The following AK4 variants were observed in gnomAD, a reference collection of about 807,000 sequenced individuals.
The protein encoded by AK4 is adenylate kinase 4, mitochondrial.
In AK4, 13 loss-of-function variants were observed where a neutral mutation model predicts 24.6. That is an observed-to-expected ratio of 0.53 (90% confidence interval 0.34 to 0.84). The LOEUF (loss-of-function observed/expected upper bound fraction) is 0.84. Among genes scored for constraint, AK4 ranks in the 40% least tolerant of loss-of-function variants. The pLI is 0.01. For synonymous variants in AK4, 88 were observed against 107.0 expected (o/e 0.82, Z 1.10); for missense variants, 192 against 288.2 (o/e 0.67, Z 2.42).
At chr1:65,147,817 C>G (rs1421173364), upstream of AK4, 1 of 152,616 alleles carries the variant, frequency 6.6e-6, no homozygotes, top group Non-Finnish European at 1.5e-5. Context: ...GCTGAGACTC[C>G]GGGGGATGTG....
chr1:65,172,168 G>T (rs1048393904), intron 1 of AK4, among the ~76,000 whole-genome samples: 1 of 144,494 alleles, frequency 6.9e-6, no homozygotes, highest in African/African-American at 2.5e-5. Context: ...TAAGCTTTAC[G>T]TTTTTTAAAA....
intron 1 of AK4, among the ~76,000 whole-genome samples, chr1:65,170,381 C>G (rs893734129): frequency 2.0e-5 from 3 of 149,320 alleles, no homozygotes; most frequent in Non-Finnish European, 3.0e-5. Flanking sequence ...CACACACACA[C>G]ACACACAAAA....
chr1:65,171,138 T>C (rs1650507043), intron 1 of AK4, among the ~76,000 whole-genome samples: 1 of 148,794 alleles, frequency 6.7e-6, no homozygotes, highest in Non-Finnish European at 1.5e-5. Context: ...TTTTTTTTTT[T>C]TTTGTGCAGA....
intron 1 of AK4, among the ~76,000 whole-genome samples, chr1:65,174,859 G>T (rs1415805697): frequency 6.6e-6 from 1 of 152,202 alleles, no homozygotes; most frequent in East Asian, 1.9e-4. Flanking sequence ...TACGGTTGTT[G>T]TAAGAATTAA....
intron 2 of AK4, among the ~76,000 whole-genome samples, chr1:65,211,107 T>G (rs1651958380): frequency 2.0e-5 from 3 of 152,186 alleles, no homozygotes; most frequent in Admixed American, 6.5e-5. Flanking sequence ...CATGCTGTAC[T>G]CTGCAGTTAT....
At chr1:65,216,136 C>T (rs544248600) in intron 2 of AK4, among the ~76,000 whole-genome samples, 5 of 149,962 alleles carry the variant, frequency 3.3e-5, no homozygotes, top group Admixed American at 2.6e-4. Flanking sequence ...AATGTGATTG[C>T]AGTGCTTTTT....
At chr1:65,186,078 C>T (rs1651089489) in intron 1 of AK4, among the ~76,000 whole-genome samples, 1 of 151,966 alleles carries the variant, frequency 6.6e-6, no homozygotes, top group South Asian at 2.1e-4. Flanking sequence ...AGAAAATTCT[C>T]CTATCTTCAG....
intron 3 of AK4, among the ~76,000 whole-genome samples, chr1:65,222,444 A>G (rs914087095): frequency 3.3e-5 from 5 of 152,138 alleles, no homozygotes; most frequent in Admixed American, 2.6e-4. Flanking sequence ...TGCCCTTACC[A>G]TCTGCCTAAG....
intron 1 of AK4, among the ~76,000 whole-genome samples, chr1:65,166,394 C>T (rs901559008): frequency 2.7e-5 from 4 of 150,836 alleles, no homozygotes; most frequent in African/African-American, 9.7e-5. Context: ...GTTTGTAAAC[C>T]CCCTATTAGT....
At chr1:65,200,424 G>A (rs1335799756) in intron 2 of AK4, among the ~76,000 whole-genome samples, 2 of 152,036 alleles carry the variant, frequency 1.3e-5, no homozygotes, top group Non-Finnish European at 2.9e-5. Context: ...CTAGGTAACA[G>A]TTTTCTAAAC....
intron 4 of AK4, among the ~76,000 whole-genome samples, chr1:65,225,669 G>A (rs1367013969): frequency 1.3e-5 from 2 of 152,140 alleles, no homozygotes; most frequent in African/African-American, 4.8e-5. Flanking sequence ...CTTAAGATCA[G>A]AGTTTTATGA....
At chr1:65,161,560 C>T (rs762596469) in intron 1 of AK4, among the ~76,000 whole-genome samples, 63 of 152,298 alleles carry the variant, frequency 4.1e-4, no homozygotes, top group Non-Finnish European at 4.4e-4. Context: ...GAAGCCTTTC[C>T]ACACCTGTTG....
chr1:65,148,438 C>T lies in AK4; in HGVS notation c.31C>T (p.Leu11Phe), dbSNP rs1272537882. Residue 11 changes from leucine (L) to phenylalanine (F), a missense_variant, in exon 1 of 5, where the codon CTC becomes TTC. Transcript: ENST00000327299. ...TTCCAAACTCCTGCGCGCGGTCATC[C>T]TCGGGCCGCCCGGCTCGGGCAAGGG... MASKLLRAVI[L>F]GPPGSGKGTV... 6.4e-7 allele frequency: 1 copy of T among 1,563,190 alleles called. No homozygotes were observed. Among genetic ancestry groups the T allele is most frequent in the South Asian group, 1.2e-5 (1 of 85,740 alleles).
intron 1 of AK4, among the ~76,000 whole-genome samples, chr1:65,169,249 C>T (rs1241189291): frequency 6.6e-6 from 1 of 151,534 alleles, no homozygotes; most frequent in Non-Finnish European, 1.5e-5. Flanking sequence ...GGATATCATT[C>T]AGCGGTGAAC....
rs150507231 is a variant in AK4 at position 65,164,176 on chromosome 1, A to C, written c.145+15624A>C. Among the ~76,000 whole-genome samples the C allele has an allele frequency of 8.7e-4, 132 of 152,248 alleles. 1 individual carries two copies. Among genetic ancestry groups the C allele is most frequent in the Admixed American group, 1.3e-3 (20 of 15,274 alleles). The stretch of plus-strand genomic sequence containing the variant: ...GGGGTCTTTTCGGGAAAGGGCTGTT[A>C]ATCAATTTTGTTTCAGAGTCAAACC... On this transcript the variant is annotated intron_variant, in intron 1 of 4. Coordinates refer to ENST00000327299, the MANE Select transcript of AK4 (RefSeq NM_013410.4).
At position 65,224,868 on chromosome 1, in the gene AK4, C is replaced by T; in HGVS notation, c.555C>T (p.Tyr185=). Residue 185 remains tyrosine (Y), a splice_region_variant and synonymous_variant, in exon 4 of 5, where the codon TAC becomes TAT. Coordinates refer to ENST00000327299, the MANE Select transcript of AK4 (RefSeq NM_013410.4). ...TGGCAAAGCCAGTCATTGAATTATA[C>T]AAGTGAGTGTGCTTCAATATTTTCA... The part of the protein sequence containing the change: ...KDVAKPVIEL[Y]KSRGVLHQFS... 1 of 1,609,376 alleles carries T rather than the reference C, an allele frequency of 6.2e-7. No homozygotes were observed. The highest frequency in any genetic ancestry group is 8.5e-7 in the Non-Finnish European group (1 of 1,175,894).
intron 1 of AK4, among the ~76,000 whole-genome samples, chr1:65,179,512 T>C (rs1021220422): frequency 2.6e-5 from 4 of 152,190 alleles, no homozygotes; most frequent in African/African-American, 9.7e-5. Flanking sequence ...TTCATAGATA[T>C]TTGTGAGCAT....
At chr1:65,214,199 C>T (rs1308011881) in intron 2 of AK4, among the ~76,000 whole-genome samples, 1 of 152,198 alleles carries the variant, frequency 6.6e-6, no homozygotes, top group Non-Finnish European at 1.5e-5. Context: ...ACAACTTCCA[C>T]CTCCGGGTTC....
rs1285401063 is a variant in AK4, at chr1:65,228,141, G to A, written c.*1964G>A. 1 of 152,130 alleles carries A rather than the reference G, an allele frequency of 6.6e-6. No individual in the cohort carries two copies. Among genetic ancestry groups the A allele is most frequent in the African/African-American group, 2.4e-5 (1 of 41,418 alleles). The allele number at this position is 152,130 out of a possible 1,614,324, so 9.4% of individuals were successfully genotyped here. A position where few individuals can be genotyped will look rare whatever the true frequency, so the allele number is the denominator to read the frequency against. The stretch of plus-strand genomic sequence containing the variant: ...AAATAAGTCTGATATGAGGAAAATT[G>A]CACAATTTAGAGTAGTTATGCCGTA... On this transcript the variant is annotated 3_prime_UTR_variant, in exon 5 of 5. Coordinates refer to ENST00000327299, the MANE Select transcript of AK4 (RefSeq NM_013410.4).
Sources: allele counts gnomAD v4.1 joint callset (sites outside exome capture counted in the v4.1 genomes callset), GRCh38; gene constraint gnomAD v4.1.1; transcripts MANE v1.5; gene names NCBI Gene and HGNC (gene_info 2026-07-23, HGNC 2026-07-21).